The following PCBP3 variants were observed in gnomAD, a reference collection of about 807,000 sequenced individuals.
PCBP3 encodes the protein poly(rC) binding protein 3, also known as poly(rC)-binding protein 3.
Under a neutral mutation model 52.7 loss-of-function variants are expected in PCBP3, and 25 were observed. That is an observed-to-expected ratio of 0.47 (90% CI 0.35 to 0.66). PCBP3 has a LOEUF of 0.66. Ranked by LOEUF, PCBP3 falls within the 30% of genes least tolerant of loss-of-function variation. The pLI is 0.01. For missense variants in PCBP3, 391 were observed against 490.3 expected (o/e 0.80, Z 1.91); for synonymous variants, 162 against 183.0 (o/e 0.89, Z 0.93).
At chr21:45,920,240 TA>T (rs2074250357) in intron 13 of PCBP3, among the ~76,000 whole-genome samples, 1 of 152,202 alleles carries the variant, frequency 6.6e-6, no homozygotes, top group South Asian at 2.1e-4. Flanking sequence ...CCACAGAGCC[TA>T]ACGTTCTCAC....
intron 4 of PCBP3, among the ~76,000 whole-genome samples, chr21:45,793,318 C>T (rs2091730481): frequency 6.6e-6 from 1 of 152,038 alleles, no homozygotes; most frequent in African/African-American, 2.4e-5. Flanking sequence ...GAACTGTTAC[C>T]GCACTCAGAC....
chr21:45,693,011 A>T (rs565035134), intron 2 of PCBP3, among the ~76,000 whole-genome samples: 1 of 152,216 alleles, frequency 6.6e-6, no homozygotes, highest in Non-Finnish European at 1.5e-5. Context: ...GTAATTCACC[A>T]TATTAACAAT....
At chr21:45,672,195 C>T (rs571806371) in intron 2 of PCBP3, among the ~76,000 whole-genome samples, 5 of 152,046 alleles carry the variant, frequency 3.3e-5, no homozygotes, top group Non-Finnish European at 7.4e-5. Flanking sequence ...TTGTGTGATG[C>T]CCTGCACCAC....
At chr21:45,900,700 G>A (rs967369345) in intron 8 of PCBP3, 77 bp downstream of exon 8, 57 of 1,085,258 alleles carry the variant, frequency 5.3e-5, no homozygotes, top group Non-Finnish European at 6.8e-5. Flanking sequence ...TGCCCCTGCC[G>A]ACGTCCTGCC....
chr21:45,847,583 G>C (rs913329720), intron 4 of PCBP3, among the ~76,000 whole-genome samples: 1 of 152,236 alleles, frequency 6.6e-6, no homozygotes, highest in Admixed American at 6.5e-5. Flanking sequence ...TTGAAGGACA[G>C]TTTGGCTGAC....
At chr21:45,784,930 G>A (rs868052408) in intron 4 of PCBP3, among the ~76,000 whole-genome samples, 4 of 150,884 alleles carry the variant, frequency 2.7e-5, no homozygotes, top group Admixed American at 1.3e-4. Context: ...CCATCGTCTG[G>A]GATGTGAGGA....
At chr21:45,823,072 G>A (rs1262083993) in intron 4 of PCBP3, among the ~76,000 whole-genome samples, 1 of 152,192 alleles carries the variant, frequency 6.6e-6, no homozygotes, top group Non-Finnish European at 1.5e-5. Flanking sequence ...TAAGATTGTA[G>A]TTTTATTCAA....
chr21:45,940,134 G>A lies in PCBP3; in HGVS notation c.1014G>A (p.Glu338=), dbSNP rs747665822. Residue 338 remains glutamate (E), a synonymous_variant, in exon 17 of 18, where the codon GAG becomes GAA. Transcript: ENST00000681687. ...CCAACGCCACGGAAGGGTCCTCAGA[G>A]CGTCAGATCACCATCACGGGGACCC... ...KIANATEGSS[E]RQITITGTPA... is the part of the protein sequence containing the mutation. The A allele has an allele frequency of 2.5e-6, 4 of 1,614,050 alleles. No individual in the cohort carries two copies. The highest frequency in any genetic ancestry group is 1.7e-5 in the Admixed American group (1 of 60,006).
intron 2 of PCBP3, among the ~76,000 whole-genome samples, chr21:45,672,812 A>G (rs1481241556): frequency 6.6e-6 from 1 of 152,154 alleles, no homozygotes; most frequent in Non-Finnish European, 1.5e-5. Context: ...GCAGAGGGAT[A>G]GCTTTTCCCG....
intron 4 of PCBP3, among the ~76,000 whole-genome samples, chr21:45,823,898 C>T (rs551010395): frequency 2.6e-5 from 4 of 152,156 alleles, no homozygotes; most frequent in East Asian, 3.9e-4. Flanking sequence ...CCCACCACCA[C>T]GCCCAGCTAA....
intron 4 of PCBP3, among the ~76,000 whole-genome samples, chr21:45,779,900 T>C (rs964814739): frequency 1.3e-5 from 2 of 152,178 alleles, no homozygotes; most frequent in Admixed American, 6.5e-5. Context: ...CAATGCAGTG[T>C]GGTATTGCTG....
At chr21:45,703,999 C>T (rs535526048) in intron 2 of PCBP3, among the ~76,000 whole-genome samples, 18 of 152,110 alleles carry the variant, frequency 1.2e-4, no homozygotes, top group African/African-American at 3.1e-4. Flanking sequence ...ATGGAGGTTG[C>T]GAGTGGTTGA....
intron 9 of PCBP3, among the ~76,000 whole-genome samples, chr21:45,902,969 G>A (rs1042845950): frequency 2.0e-5 from 3 of 152,226 alleles, no homozygotes; most frequent in East Asian, 1.9e-4. Flanking sequence ...TCCCTTCCAC[G>A]AGTACACAAA....
intron 3 of PCBP3, among the ~76,000 whole-genome samples, chr21:45,738,347 C>T (rs1355198173): frequency 6.6e-6 from 1 of 151,634 alleles, no homozygotes; most frequent in African/African-American, 2.4e-5. Context: ...CTCCGCCTCC[C>T]GGGTTCACGC....
intron 4 of PCBP3, among the ~76,000 whole-genome samples, chr21:45,780,065 C>T (rs1209198383): frequency 6.6e-6 from 1 of 151,720 alleles, no homozygotes; most frequent in African/African-American, 2.4e-5. Flanking sequence ...ATTGTATATC[C>T]ATGTGAAAAA....
At chr21:45,864,405 A>G (rs2094628369) in intron 5 of PCBP3, among the ~76,000 whole-genome samples, 1 of 152,248 alleles carries the variant, frequency 6.6e-6, no homozygotes, top group Admixed American at 6.5e-5. Context: ...AGTGAGCAGG[A>G]TTTCTGTGTG....
At position 45,802,711 on chromosome 21, in the gene PCBP3, G is replaced by A. The variant is rs995332877; in HGVS notation, c.-125-47250G>A. On this transcript the variant is annotated intron_variant, in intron 4 of 17. Transcript: ENST00000681687. The surrounding 1 kb of genome is among the most constrained non-coding windows in gnomAD (Gnocchi z 5.1). ...GGGAGGAGAGGCCCTGAGGGAGGCAGGAGCAGGAGGGGCATCGTGTCCCCA... is the reference window on the plus strand; with the variant it reads ...GGGAGGAGAGGCCCTGAGGGAGGCAAGAGCAGGAGGGGCATCGTGTCCCCA... Among the ~76,000 whole-genome samples, 6 of 152,146 alleles carry A rather than the reference G, an allele frequency of 3.9e-5. No homozygotes were observed. The highest frequency in any genetic ancestry group is 8.8e-5 in the Non-Finnish European group (6 of 68,016).
chr21:45,690,821 C>T (rs572558778), intron 2 of PCBP3, among the ~76,000 whole-genome samples: 9 of 152,030 alleles, frequency 5.9e-5, no homozygotes, highest in Middle Eastern at 3.4e-3. Flanking sequence ...AAAGAGATAC[C>T]GGTATACATC....
chr21:45,694,992 C>T (rs1219549843), intron 2 of PCBP3, among the ~76,000 whole-genome samples: 2 of 152,030 alleles, frequency 1.3e-5, no homozygotes, highest in Admixed American at 1.3e-4. Flanking sequence ...CAAAAGACTT[C>T]GAATAGCACA....
Sources: allele counts gnomAD v4.1 joint callset (sites outside exome capture counted in the v4.1 genomes callset), GRCh38; gene constraint gnomAD v4.1.1; non-coding constraint Gnocchi (gnomAD v3.1); transcripts MANE v1.5; gene names NCBI Gene and HGNC (gene_info 2026-07-23, HGNC 2026-07-21).